SAMD5: variants seen among roughly 807,000 people sequenced by gnomAD.
SAMD5 encodes the protein sterile alpha motif domain containing 5.
Under a neutral mutation model 11.3 loss-of-function variants are expected in SAMD5, and 13 were observed. The ratio of observed to expected loss-of-function variants is 1.15; its 90% CI spans 0.75 to 1.83. The LOEUF is 1.83. SAMD5 is among the 40% of genes most tolerant of loss of function. The probability of loss-of-function intolerance (pLI) is 0.00; values close to 1 mark genes in which losing one functional copy is unlikely to be tolerated. For synonymous variants in SAMD5, 129 were observed against 111.3 expected, an observed-to-expected ratio of 1.16 and a Z score of -1.00; for missense variants, 255 against 239.1, an observed-to-expected ratio of 1.07 and a Z score of -0.44.
the SAMD5 span, among the ~76,000 whole-genome samples, chr6:147,904,079 G>T: frequency 6.6e-6 from 1 of 152,162 alleles, no homozygotes; most frequent in African/African-American, 2.4e-5. Context: ...GCTTCCAGGA[G>T]AAGCCTCTTA....
chr6:147,644,017 C>T (rs1454222995), intron 1 of SAMD5, among the ~76,000 whole-genome samples: 2 of 151,948 alleles, frequency 1.3e-5, no homozygotes, highest in Admixed American at 6.6e-5. Flanking sequence ...AAAATTGGTA[C>T]GTTATTTGCA....
the SAMD5 span, among the ~76,000 whole-genome samples, chr6:147,865,167 T>C: frequency 3.3e-5 from 5 of 152,202 alleles, no homozygotes; most frequent in African/African-American, 1.2e-4. Context: ...TGAGAATCAG[T>C]GGCAGGTATG....
intron 1 of SAMD5, among the ~76,000 whole-genome samples, chr6:147,620,032 T>A (rs1488370656): frequency 6.6e-6 from 1 of 152,236 alleles, no homozygotes; most frequent in East Asian, 1.9e-4. Flanking sequence ...ATGTTTTTAA[T>A]CAAAATAAGT....
At chr6:147,780,503 G>A in the SAMD5 span, among the ~76,000 whole-genome samples, 13 of 152,116 alleles carry the variant, frequency 8.5e-5, no homozygotes, top group Admixed American at 3.9e-4. Flanking sequence ...CCACTGCACC[G>A]GGCCTATAAA....
At chr6:147,643,667 A>T (rs1390255452) in intron 1 of SAMD5, among the ~76,000 whole-genome samples, 1 of 151,884 alleles carries the variant, frequency 6.6e-6, no homozygotes, top group Non-Finnish European at 1.5e-5. Context: ...TTTGTTACTC[A>T]GAATTTGGTG....
At chr6:147,510,774 G>A (rs935482800) in intron 1 of SAMD5, among the ~76,000 whole-genome samples, 4 of 152,212 alleles carry the variant, frequency 2.6e-5, no homozygotes, top group Non-Finnish European at 5.9e-5. Flanking sequence ...AGGATACAAA[G>A]AAGGCAGGTT....
At chr6:147,695,494 A>G (rs769682507) in intron 1 of SAMD5, among the ~76,000 whole-genome samples, 1 of 152,238 alleles carries the variant, frequency 6.6e-6, no homozygotes, top group Non-Finnish European at 1.5e-5. Context: ...AGGATATTAA[A>G]TAACTAAATG....
chr6:147,917,291 A>G, the SAMD5 span, among the ~76,000 whole-genome samples: 13 of 145,978 alleles, frequency 8.9e-5, no homozygotes, highest in Non-Finnish European at 1.6e-4. Context: ...TTTGATTTGC[A>G]TTTCTCTGAT....
At chr6:147,659,279 C>T (rs1202591343) in intron 1 of SAMD5, among the ~76,000 whole-genome samples, 2 of 151,926 alleles carry the variant, frequency 1.3e-5, no homozygotes, top group African/African-American at 4.8e-5. Context: ...ATAACTTTAA[C>T]ATTATTGAAT....
At chr6:147,770,820 G>T in the SAMD5 span, among the ~76,000 whole-genome samples, 1 of 152,126 alleles carries the variant, frequency 6.6e-6, no homozygotes, top group Non-Finnish European at 1.5e-5. Context: ...CTAATGGGCT[G>T]GGAGAAGTTA....
chr6:147,568,035 T>G lies in SAMD5; in HGVS notation c.*3579T>G. Reference sequence around the variant, plus strand: ...AAGGTATTTCATTAGCTTTCTTCTCTTTATGGCAGCTTCAGATTGATGAAT... The same window carrying G: ...AAGGTATTTCATTAGCTTTCTTCTCGTTATGGCAGCTTCAGATTGATGAAT... On this transcript the variant is annotated 3_prime_UTR_variant, in exon 2 of 2. Coordinates refer to ENST00000367474, the MANE Select transcript of SAMD5 (RefSeq NM_001030060.3). 1 of 985,412 alleles carries G rather than the reference T, an allele frequency of 1.0e-6. No homozygotes were observed. 61.0% of individuals were successfully genotyped at this position (985,412 alleles called of 1,614,324 possible).
chr6:147,691,416 C>A (rs1025479312), intron 1 of SAMD5, among the ~76,000 whole-genome samples: 1 of 152,150 alleles, frequency 6.6e-6, no homozygotes, highest in Non-Finnish European at 1.5e-5. Flanking sequence ...CTTCTTTTCT[C>A]CAAATTATAG....
chr6:147,937,231 T>C, the SAMD5 span, among the ~76,000 whole-genome samples: 1 of 152,194 alleles, frequency 6.6e-6, no homozygotes, highest in African/African-American at 2.4e-5. Flanking sequence ...TTCTTTTTGT[T>C]TTGAAATTTC....
At chr6:147,895,490 G>C in the SAMD5 span, among the ~76,000 whole-genome samples, 10 of 152,294 alleles carry the variant, frequency 6.6e-5, no homozygotes, top group African/African-American at 2.2e-4. Flanking sequence ...CATTTGCCAG[G>C]GGAATTCAGA....
the SAMD5 span, among the ~76,000 whole-genome samples, chr6:147,833,002 T>C: frequency 2.0e-5 from 3 of 152,228 alleles, no homozygotes; most frequent in Non-Finnish European, 4.4e-5. Context: ...AGCAGAATTG[T>C]TGTTTTTACT....
the SAMD5 span, among the ~76,000 whole-genome samples, chr6:147,879,157 C>T: frequency 6.6e-6 from 1 of 152,064 alleles, no homozygotes; most frequent in African/African-American, 2.4e-5. Context: ...CTGTTACTGC[C>T]CCCTGTTTTG....
At chr6:147,921,853 T>C in the SAMD5 span, among the ~76,000 whole-genome samples, 1 of 152,160 alleles carries the variant, frequency 6.6e-6, no homozygotes, top group Non-Finnish European at 1.5e-5. Context: ...CATATAACCA[T>C]TTACTGTTCA....
At chr6:147,827,856 C>T in the SAMD5 span, among the ~76,000 whole-genome samples, 1 of 151,734 alleles carries the variant, frequency 6.6e-6, no homozygotes, top group East Asian at 1.9e-4. Flanking sequence ...GTGGCGCGAT[C>T]TCGGCTCACT....
At chr6:147,853,585 C>T in the SAMD5 span, among the ~76,000 whole-genome samples, 3 of 151,500 alleles carry the variant, frequency 2.0e-5, no homozygotes, top group South Asian at 4.2e-4. Flanking sequence ...CCAAATAATA[C>T]TTTCTTTTTC....
Sources: gnomAD v4.1 joint callset for allele counts (sites outside exome capture counted in the v4.1 genomes callset) on GRCh38, gnomAD v4.1.1 for gene constraint, MANE v1.5 for transcripts, NCBI Gene and HGNC (gene_info 2026-07-23, HGNC 2026-07-21) for gene names.